The following NUP85 variants were observed in gnomAD, a reference collection of about 807,000 sequenced individuals.
The protein encoded by NUP85 is nucleoporin 85, also known as nuclear pore complex protein Nup85.
A neutral mutation model predicts 92.8 loss-of-function variants in NUP85; 23 were observed. The ratio of observed to expected loss-of-function variants is 0.25; its 90% CI spans 0.18 to 0.35. NUP85 has a LOEUF of 0.35. NUP85 is among the 10% of genes least tolerant of loss of function. NUP85 has a pLI of 1.00. For missense variants in NUP85, 759 were observed against 822.8 expected (o/e 0.92, Z 0.95); for synonymous variants, 314 against 306.9 (o/e 1.02, Z -0.24).
intron 6 of NUP85, among the ~76,000 whole-genome samples, chr17:75,217,608 C>T (rs375735318): frequency 6.6e-6 from 1 of 152,002 alleles, no homozygotes; most frequent in African/African-American, 2.4e-5. Context: ...CTCCTGGGTT[C>T]AAGCAATTCT....
chr17:75,232,782 C>A, intron 14 of NUP85, 69 bp from the exon 15 acceptor site: 1 of 1,418,584 alleles, frequency 7.0e-7, no homozygotes. Context: ...CACTCCGGTC[C>A]CCACAGGGCT....
chr17:75,208,645 A>G, intron 2 of NUP85, 25 bp downstream of exon 2: 1 of 1,310,644 alleles, frequency 7.6e-7, no homozygotes, highest in Non-Finnish European at 1.1e-6. Context: ...CTTCCAAATT[A>G]TCCATCTTGG....
At chr17:75,207,860 C>T (rs1006240583) in intron 1 of NUP85, among the ~76,000 whole-genome samples, 2 of 151,862 alleles carry the variant, frequency 1.3e-5, no homozygotes, top group Non-Finnish European at 2.9e-5. Context: ...TTTGGTGGCG[C>T]GTGCCTGTAA....
chr17:75,210,596 G>A (rs1294725684), intron 3 of NUP85, among the ~76,000 whole-genome samples: 1 of 152,192 alleles, frequency 6.6e-6, no homozygotes, highest in African/African-American at 2.4e-5. Flanking sequence ...TAGGGAATGG[G>A]CAGTGTTGGT....
chr17:75,221,175 C>T (rs933440369), intron 7 of NUP85, among the ~76,000 whole-genome samples: 10 of 151,910 alleles, frequency 6.6e-5, no homozygotes, highest in South Asian at 2.1e-4. Context: ...CCGCCACGCC[C>T]GGCTAACCCA....
chr17:75,223,413 A>G (rs1317300743), intron 7 of NUP85, among the ~76,000 whole-genome samples: 1 of 152,088 alleles, frequency 6.6e-6, no homozygotes, highest in Admixed American at 6.6e-5. Flanking sequence ...TTTGAGATGG[A>G]GTCTCACTCT....
chr17:75,234,782 G>A lies in NUP85; in HGVS notation c.1761G>A (p.Gln587=), dbSNP rs1199601436. 1 of 1,614,164 alleles carries A rather than the reference G, an allele frequency of 6.2e-7. No homozygotes were observed. The highest frequency in any genetic ancestry group is 1.1e-5 in the South Asian group (1 of 91,072). The part of the protein sequence containing the change: ...LLTDALPLLE[Q]KQVIFSAEQT... ...CAGACGCCTTGCCCCTTTTGGAACA[G>A]AAACAGGTGAAGGTTGCAGCAGCAG... Residue 587 remains glutamine (Q), a synonymous_variant, in exon 17 of 19, where the codon CAG becomes CAA. Transcript: ENST00000245544.
rs1568069751 is a variant in NUP85 at position 75,212,265 on chromosome 17, T to G, written c.361+203T>G. Among the ~76,000 whole-genome samples, 30 of 42,988 alleles carry G rather than the reference T, an allele frequency of 7.0e-4. 1 individual carries two copies. Among genetic ancestry groups the G allele is most frequent in the Admixed American group, 4.5e-3 (12 of 2,696 alleles). 28.2% of individuals were successfully genotyped at this position (42,988 alleles called of 152,430 possible). A position where few individuals can be genotyped will look rare whatever the true frequency, so the allele number is the denominator to read the frequency against. ...TGTTGTTGTTTTTTTTTTTTTTTTT[T>G]TTTTTTTTTTTTTTTTTTTTTGAGA... On this transcript the variant is annotated intron_variant, in intron 4 of 18. Coordinates refer to ENST00000245544, the MANE Select transcript of NUP85 (RefSeq NM_024844.5).
intron 6 of NUP85, among the ~76,000 whole-genome samples, chr17:75,217,011 G>C (rs1200971088): frequency 1.3e-5 from 2 of 151,662 alleles, no homozygotes; most frequent in African/African-American, 4.8e-5. Context: ...TCAGCCTCCT[G>C]AGTAGCTGGG....
intron 2 of NUP85, among the ~76,000 whole-genome samples, chr17:75,209,104 T>A: frequency 6.6e-6 from 1 of 152,216 alleles, no homozygotes; most frequent in East Asian, 1.9e-4. Flanking sequence ...TGAAAAATTT[T>A]CTTCATATTT....
intron 14 of NUP85, among the ~76,000 whole-genome samples, 197 bp from the exon 15 acceptor site, chr17:75,232,654 G>A (rs536548916): frequency 6.6e-6 from 1 of 152,190 alleles, no homozygotes; most frequent in South Asian, 2.1e-4. Flanking sequence ...TGCCGTGATG[G>A]GCACTTACAC....
chr17:75,205,922 A>G, intron 1 of NUP85, 128 bp downstream of exon 1: 1 of 1,077,364 alleles, frequency 9.3e-7, no homozygotes. Flanking sequence ...CTCAGTTGCC[A>G]CTTTTCCGGA....
intron 11 of NUP85, among the ~76,000 whole-genome samples, chr17:75,229,620 CTG>C (rs1209659112): frequency 2.0e-5 from 3 of 152,166 alleles, no homozygotes; most frequent in African/African-American, 7.2e-5. Context: ...TAAGACCTAA[CTG>C]TGTGGTTCAG....
At chr17:75,223,949 C>T (rs1360151082) in intron 7 of NUP85, among the ~76,000 whole-genome samples, 1 of 152,026 alleles carries the variant, frequency 6.6e-6, no homozygotes, top group South Asian at 2.1e-4. Context: ...CGTGTAGACT[C>T]ATCTCATGTG....
chr17:75,234,906 T>TCCC, intron 17 of NUP85, 118 bp downstream of exon 17: 1 of 1,282,486 alleles, frequency 7.8e-7, no homozygotes. Flanking sequence ...GCGCGTGTAT[T>TCCC]CCCCTTAGCG....
At chr17:75,230,927 TTC>T (rs1452786935) in intron 11 of NUP85, among the ~76,000 whole-genome samples, 5 of 108,750 alleles carry the variant, frequency 4.6e-5, no homozygotes, top group Non-Finnish European at 9.5e-5. Flanking sequence ...CTCAACTACT[TTC>T]TGAGCGATTT....
chr17:75,221,189 A>C (rs907672586), intron 7 of NUP85, among the ~76,000 whole-genome samples: 2 of 143,622 alleles, frequency 1.4e-5, no homozygotes, highest in Non-Finnish European at 3.0e-5. Context: ...TAACCCAATT[A>C]TTTTTTATTT....
intron 7 of NUP85, among the ~76,000 whole-genome samples, chr17:75,221,359 G>A (rs558617309): frequency 6.6e-6 from 1 of 151,724 alleles, no homozygotes; most frequent in East Asian, 1.9e-4. Flanking sequence ...GGCTGGTCTC[G>A]AACTCCTGAC....
rs1425514657 is a variant in NUP85 at position 75,218,565 on chromosome 17, G to C, written c.597+259G>C. On this transcript the variant is annotated intron_variant, in intron 7 of 18. Transcript: ENST00000245544. ...TTCTTTGTGGATCTAAGGAAGAGAA[G>C]ACACAAAAAGGAATACAAAACCGTT... Among the ~76,000 whole-genome samples the C allele has an allele frequency of 3.9e-5, 5 of 127,490 alleles. No homozygotes were observed. In the East Asian group the frequency reaches 7.6e-4, roughly 19 times the overall value. The allele number at this position is 127,490 out of a possible 152,430, so 83.6% of individuals were successfully genotyped here.
Sources: gnomAD v4.1 joint callset for allele counts (sites outside exome capture counted in the v4.1 genomes callset) on GRCh38, gnomAD v4.1.1 for gene constraint, MANE v1.5 for transcripts, NCBI Gene and HGNC (gene_info 2026-07-23, HGNC 2026-07-21) for gene names.